The following TAB1 variants were observed in gnomAD, a reference collection of about 807,000 sequenced individuals.
TAB1 encodes the protein TGF-beta activated kinase 1 (MAP3K7) binding protein 1, also known as TGF-beta-activated kinase 1 and MAP3K7-binding protein 1.
A neutral mutation model predicts 54.5 loss-of-function variants in TAB1; 30 were observed. The observed-to-expected ratio is 0.55, with a 90% confidence interval of 0.41 to 0.75. TAB1 has a LOEUF of 0.75. Ranked by LOEUF, TAB1 falls within the 30% of genes least tolerant of loss-of-function variation. The pLI, the probability that TAB1 is intolerant of heterozygous loss-of-function variation, is 0.00. For missense variants in TAB1, 609 were observed against 683.2 expected, an observed-to-expected ratio of 0.89 and a Z score of 1.21; for synonymous variants, 289 against 286.9, an observed-to-expected ratio of 1.01 and a Z score of -0.07.
intron 1 of TAB1, among the ~76,000 whole-genome samples, chr22:39,408,450 G>A (rs1203934046): frequency 6.6e-6 from 1 of 152,204 alleles, no homozygotes; most frequent in Non-Finnish European, 1.5e-5. Context: ...GCCTGTTTGA[G>A]CTTGTTTCTT....
chr22:39,436,585 A>C (rs1483681025), downstream of TAB1: 3 of 1,601,540 alleles, frequency 1.9e-6, no homozygotes, highest in Non-Finnish European at 2.6e-6. Context: ...GGAAGCGCCT[A>C]CACCAAGGGG....
chr22:39,428,056 T>C lies in TAB1; in HGVS notation c.1180T>C (p.Tyr394His). The stretch of plus-strand genomic sequence containing the variant: ...ACGAGTGTACCCTGTGTCTGTGCCA[T>C]ACTCCAGCGCCCAGAGCACCAGCAA... ...GGRVYPVSVP[Y>H]SSAQSTSKTS... Residue 394 changes from tyrosine (Y) to histidine (H), a missense_variant, in exon 10 of 11, where the codon TAC becomes CAC. Tyr to His is a moderately conservative substitution (Grantham distance 83). Coordinates refer to ENST00000216160, the MANE Select transcript of TAB1 (RefSeq NM_006116.3). The C allele has an allele frequency of 6.2e-7, 1 of 1,612,866 alleles. No individual in the cohort carries two copies. The highest frequency in any genetic ancestry group is 8.5e-7 in the Non-Finnish European group (1 of 1,179,032).
At chr22:39,403,764 A>G (rs1344114034) in intron 1 of TAB1, among the ~76,000 whole-genome samples, 23 of 149,266 alleles carry the variant, frequency 1.5e-4, no homozygotes, top group African/African-American at 5.0e-4. Flanking sequence ...TCAGCCTCCC[A>G]AGTAGCTGGG....
chr22:39,421,828 G>T lies in TAB1; in HGVS notation c.778G>T (p.Ala260Ser). Residue 260 changes from alanine to serine, a missense_variant and splice_region_variant, in exon 8 of 11, where the codon GCT (alanine) becomes TCT (serine). Physicochemically the swap from Ala to Ser is moderately conservative, Grantham distance 99. Transcript: ENST00000216160. ...YGYTDIDLLS[A>S]AKSKPIIAEP... is the part of the protein sequence containing the mutation. ...CTTCCTTCCACTCTCTCCCCATAGC[G>T]CTGCCAAGTCCAAACCAATCATCGC... 4 of 1,613,726 alleles carry T rather than the reference G, an allele frequency of 2.5e-6. No individual in the cohort carries two copies. The highest frequency in any genetic ancestry group is 4.5e-5 in the East Asian group (2 of 44,856).
downstream of TAB1, among the ~76,000 whole-genome samples, chr22:39,434,920 A>ACCTGCTGTGTGGTACCT (rs1182091869): frequency 3.9e-5 from 6 of 152,206 alleles, no homozygotes; most frequent in Admixed American, 2.6e-4. Flanking sequence ...CCTTCCGTGG[A>ACCTGCTGTGTGGTACCT]TCCAGCCTCC....
At chr22:39,400,508 G>C (rs568707299) in intron 1 of TAB1, among the ~76,000 whole-genome samples, 4 of 152,210 alleles carry the variant, frequency 2.6e-5, no homozygotes, top group African/African-American at 9.6e-5. Context: ...TAAGGCGAGA[G>C]CGCTGAGTGG....
intron 10 of TAB1, among the ~76,000 whole-genome samples, chr22:39,428,642 C>T (rs940470738): frequency 2.6e-5 from 4 of 152,170 alleles, no homozygotes; most frequent in African/African-American, 9.7e-5. Context: ...TGCGGCCAGG[C>T]CCCCTCCAGC....
rs761999134 is a variant in TAB1, at chr22:39,419,509, C to G, written c.665-10C>G. The G allele has an allele frequency of 1.9e-6, 3 of 1,592,286 alleles. No individual in the cohort carries two copies. The Admixed American group carries it at 5.2e-5, about 27-fold the overall frequency. ...AAGAAGCAGGATTGTTGCACTGTTT[C>G]CCTCCGTAGGCTTGGATGCTGGAAA... is the stretch of plus-strand genomic sequence containing the variant. On this transcript the variant is annotated splice_polypyrimidine_tract_variant and intron_variant, in intron 6 of 10. Coordinates refer to ENST00000216160, the MANE Select transcript of TAB1 (RefSeq NM_006116.3).
At chr22:39,418,328 A>G (rs1315026502) in intron 5 of TAB1, among the ~76,000 whole-genome samples, 2 of 152,138 alleles carry the variant, frequency 1.3e-5, no homozygotes, top group Admixed American at 1.3e-4. Context: ...TTTCCACAAT[A>G]TAGAACAATA....
intron 9 of TAB1, 23 bp downstream of exon 9, chr22:39,426,948 C>T: frequency 6.3e-7 from 1 of 1,599,902 alleles, no homozygotes; most frequent in South Asian, 1.1e-5. Flanking sequence ...TGCAGACAGG[C>T]AGTGCCTGGG....
intron 1 of TAB1, among the ~76,000 whole-genome samples, chr22:39,414,316 G>A (rs1344592824): frequency 1.3e-5 from 2 of 152,198 alleles, no homozygotes; most frequent in Admixed American, 6.5e-5. Flanking sequence ...TTTGGGACTG[G>A]GAGGGAAGGA....
downstream of TAB1, chr22:39,433,100 A>G: frequency 2.0e-6 from 2 of 985,356 alleles, no homozygotes; most frequent in Non-Finnish European, 2.4e-6. Context: ...GCACTGAGGC[A>G]GGATCAGATG....
intron 7 of TAB1, among the ~76,000 whole-genome samples, chr22:39,421,300 T>G (rs1245825223): frequency 1.3e-5 from 2 of 152,138 alleles, no homozygotes; most frequent in African/African-American, 2.4e-5. Context: ...AGGAAGTTCT[T>G]AGACTCCGCT....
intron 10 of TAB1, 147 bp downstream of exon 10, chr22:39,428,330 AG>A: frequency 1.9e-6 from 1 of 535,436 alleles, no homozygotes; most frequent in Non-Finnish European, 3.3e-6. Context: ...CTGGTGAGGG[AG>A]GTCTCCCTAG....
At chr22:39,404,712 G>T (rs149772284) in intron 1 of TAB1, among the ~76,000 whole-genome samples, 6 of 152,148 alleles carry the variant, frequency 3.9e-5, no homozygotes, top group Non-Finnish European at 8.8e-5. Context: ...AAATAAAAAG[G>T]TCCATGGGGG....
chr22:39,427,244 C>T (rs1255156755), intron 9 of TAB1, among the ~76,000 whole-genome samples: 2 of 152,218 alleles, frequency 1.3e-5, no homozygotes, highest in East Asian at 3.8e-4. Context: ...TTGTGCCAGG[C>T]ACACAGCCTG....
At chr22:39,424,573 T>A (rs771019909) in intron 8 of TAB1, among the ~76,000 whole-genome samples, 16 of 151,670 alleles carry the variant, frequency 1.1e-4, no homozygotes, top group Non-Finnish European at 2.2e-4. Flanking sequence ...GCCTCCTGAG[T>A]AGCTGGGACT....
rs546329519 is a variant in TAB1 at position 39,400,024 on chromosome 22, C to T, written c.33+189C>T. 2.6e-5 allele frequency among the ~76,000 whole-genome samples: 4 copies of T among 152,256 alleles called. No individual in the cohort carries two copies. The South Asian group carries it at 8.3e-4, about 32-fold the overall frequency. Reference sequence around the variant, plus strand: ...GCCAGGGCGTGTGTGCGCGGCGGGCCCGGCCCCCGGGTCAAGGGCGCCGGG... The same window carrying T: ...GCCAGGGCGTGTGTGCGCGGCGGGCTCGGCCCCCGGGTCAAGGGCGCCGGG... On this transcript the variant is annotated intron_variant, in intron 1 of 10. Coordinates refer to ENST00000216160, the MANE Select transcript of TAB1 (RefSeq NM_006116.3).
chr22:39,427,985 C>T lies in TAB1; in HGVS notation c.1145-36C>T, dbSNP rs528745852. 3.6e-5 allele frequency: 55 copies of T among 1,544,480 alleles called. No individual in the cohort carries two copies. The South Asian group carries it at 5.9e-4, about 17-fold the overall frequency. On this transcript the variant is annotated intron_variant, in intron 9 of 10. Coordinates refer to ENST00000216160, the MANE Select transcript of TAB1 (RefSeq NM_006116.3). ...CCTGCTACCCTGGGTTTCTCCTCAG[C>T]TGCTGCCTGAGGCCCCCACTCTCTT... is the stretch of plus-strand genomic sequence containing the variant.
Sources: gnomAD v4.1 joint callset for allele counts (sites outside exome capture counted in the v4.1 genomes callset) on GRCh38, gnomAD v4.1.1 for gene constraint, MANE v1.5 for transcripts, NCBI Gene and HGNC (gene_info 2026-07-23, HGNC 2026-07-21) for gene names.